The following SLC9C1 variants were observed in gnomAD, a reference collection of about 807,000 sequenced individuals.
SLC9C1 encodes solute carrier family 9 member C1.
A neutral mutation model predicts 140.9 loss-of-function variants in SLC9C1; 97 were observed. The ratio of observed to expected loss-of-function variants is 0.69; its 90% CI spans 0.58 to 0.82. The LOEUF is 0.82. Among genes scored for constraint, SLC9C1 ranks in the 40% least tolerant of loss-of-function variants. SLC9C1 has a pLI of 0.00. For missense variants in SLC9C1, 1,340 were observed against 1,389.3 expected (o/e 0.96, Z 0.56); for synonymous variants, 440 against 442.6 (o/e 0.99, Z 0.07).
chr3:112,210,863 A>G (rs184585765), intron 15 of SLC9C1, among the ~76,000 whole-genome samples: 1 of 152,124 alleles, frequency 6.6e-6, no homozygotes, highest in African/African-American at 2.4e-5. Context: ...ACAGGAAAAA[A>G]ACCCTTTATT....
chr3:112,282,518 C>G (rs1243616655), intron 2 of SLC9C1, among the ~76,000 whole-genome samples: 2 of 152,146 alleles, frequency 1.3e-5, no homozygotes, highest in Non-Finnish European at 2.9e-5. Context: ...CCTGTTCGTC[C>G]CTCTCATTAA....
intron 13 of SLC9C1, among the ~76,000 whole-genome samples, chr3:112,223,289 C>T (rs953583468): frequency 6.6e-6 from 1 of 152,008 alleles, no homozygotes; most frequent in African/African-American, 2.4e-5. Context: ...GTCTGAGCAA[C>T]ATAAAGAAAT....
intron 5 of SLC9C1, among the ~76,000 whole-genome samples, chr3:112,277,091 A>T (rs1420756160): frequency 1.3e-5 from 2 of 152,094 alleles, no homozygotes; most frequent in African/African-American, 2.4e-5. Flanking sequence ...AAAGTGATGA[A>T]AGGGGACAAT....
chr3:112,239,879 G>A lies in SLC9C1; in HGVS notation c.1407C>T (p.Asn469=), dbSNP rs1307063641. Residue 469 remains asparagine, a synonymous_variant, in exon 12 of 29, where the codon AAC becomes AAT. Transcript: ENST00000305815. ...CAAGTGTAATTGCTTTCTCAATCAT[G>A]TTCCAATCAGCATTAGCAAGATCTT... is the stretch of plus-strand genomic sequence containing the variant. The part of the protein sequence containing the change: ...FDKDLANADW[N]MIEKAITLEN... 1 of 1,613,612 alleles carries A rather than the reference G, an allele frequency of 6.2e-7. No individual in the cohort carries two copies. Among genetic ancestry groups the A allele is most frequent in the Non-Finnish European group, 8.5e-7 (1 of 1,179,868 alleles).
At chr3:112,179,237 A>G (rs1346646624) in intron 23 of SLC9C1, among the ~76,000 whole-genome samples, 2 of 152,104 alleles carry the variant, frequency 1.3e-5, no homozygotes, top group Admixed American at 1.3e-4. Context: ...CATCTTTCAA[A>G]TTATGGTATT....
rs1328868700 is a variant in SLC9C1, at chr3:112,179,671, C to A, written c.2779G>T (p.Asp927Tyr). 1 of 1,610,678 alleles carries A rather than the reference C, an allele frequency of 6.2e-7. No homozygotes were observed. ...LEKSKPGLGI[D>Y]QMVESKEKDF... is the part of the protein sequence containing the mutation. Reference sequence around the variant, plus strand: ...TTCTCCTTTGACTCCACCATTTGATCAATCCCTAAACCTGGCTTTGATTTT... The same window carrying A: ...TTCTCCTTTGACTCCACCATTTGATAAATCCCTAAACCTGGCTTTGATTTT... Residue 927 changes from aspartate to tyrosine, a missense_variant, in exon 23 of 29, where the codon GAT (aspartate) becomes TAT (tyrosine). By Grantham distance (160) the Asp-to-Tyr change is radical. Transcript: ENST00000305815.
At chr3:112,287,117 AC>A (rs1239804647) in intron 1 of SLC9C1, among the ~76,000 whole-genome samples, 1 of 152,158 alleles carries the variant, frequency 6.6e-6, no homozygotes, top group Non-Finnish European at 1.5e-5. Context: ...CGCACTTGTT[AC>A]CCACTCTGAA....
chr3:112,198,319 T>C (rs2077818001), intron 20 of SLC9C1, among the ~76,000 whole-genome samples: 1 of 152,018 alleles, frequency 6.6e-6, no homozygotes, highest in Non-Finnish European at 1.5e-5. Context: ...TTATTAATCC[T>C]ACTGCTTTTA....
intron 26 of SLC9C1, among the ~76,000 whole-genome samples, chr3:112,166,319 A>T (rs1380880722): frequency 6.6e-6 from 1 of 152,132 alleles, no homozygotes; most frequent in Non-Finnish European, 1.5e-5. Context: ...TGAACCCGGT[A>T]CCTCAGTTGG....
At position 112,292,823 on chromosome 3, in the gene SLC9C1, G is replaced by C. The variant is rs961077074; in HGVS notation, c.-88+1270C>G. 7.2e-5 allele frequency among the ~76,000 whole-genome samples: 11 copies of C among 151,924 alleles called. No individual in the cohort carries two copies. The East Asian group carries it at 1.6e-3, about 22-fold the overall frequency. On this transcript the variant is annotated intron_variant, in intron 1 of 28. Transcript: ENST00000305815. Reference sequence around the variant, plus strand: ...CTCCCAAAGTGCTGGGATTACAGGCGTGAGCCACCACGCCCGGCCACAGGT... The same window carrying C: ...CTCCCAAAGTGCTGGGATTACAGGCCTGAGCCACCACGCCCGGCCACAGGT...
chr3:112,266,437 C>T (rs573349358), intron 7 of SLC9C1, 97 bp from the exon 8 acceptor site: 3 of 942,708 alleles, frequency 3.2e-6, no homozygotes, highest in Non-Finnish European at 4.7e-6. Context: ...GTGACAGTAC[C>T]ATGACTTTTA....
chr3:112,164,330 T>A (rs188567586), intron 26 of SLC9C1, among the ~76,000 whole-genome samples: 1 of 146,876 alleles, frequency 6.8e-6, no homozygotes, highest in Admixed American at 6.7e-5. Context: ...GTTAGCTGGT[T>A]ATTTTGCTCG....
Position 112,182,213 on chromosome 3 carries a change from T to G in SLC9C1, c.2569A>C (p.Ile857Leu). ...KKEVLDSQSI[I>L]RPLTVEEVLY... ...ACTTCTTCAACAGTAAGAGGCCTGA[T>G]AATAGATTGAGAATCAAGCACCTCT... Residue 857 changes from isoleucine (I) to leucine (L), a missense_variant, in exon 21 of 29, where the codon ATC becomes CTC. Transcript: ENST00000305815. The G allele has an allele frequency of 1.2e-6, 2 of 1,607,366 alleles. No individual in the cohort carries two copies. The highest frequency in any genetic ancestry group is 1.7e-6 in the Non-Finnish European group (2 of 1,177,030).
At chr3:112,217,182 A>G (rs2078401843) in intron 15 of SLC9C1, among the ~76,000 whole-genome samples, 1 of 152,136 alleles carries the variant, frequency 6.6e-6, no homozygotes, top group African/African-American at 2.4e-5. Flanking sequence ...ATGGTGGGGA[A>G]CATCACACAC....
intron 10 of SLC9C1, among the ~76,000 whole-genome samples, chr3:112,248,429 A>G (rs968537618): frequency 6.6e-6 from 1 of 152,172 alleles, no homozygotes; most frequent in Non-Finnish European, 1.5e-5. Context: ...ATTTTTTTAC[A>G]TAGCCATAGA....
intron 23 of SLC9C1, among the ~76,000 whole-genome samples, chr3:112,171,855 T>C (rs935464064): frequency 1.4e-4 from 21 of 152,332 alleles, no homozygotes; most frequent in African/African-American, 5.1e-4. Context: ...GATTATTTGT[T>C]GAAAATATTG....
intron 26 of SLC9C1, among the ~76,000 whole-genome samples, chr3:112,162,480 AG>A (rs1159553387): frequency 6.6e-6 from 1 of 152,174 alleles, no homozygotes; most frequent in African/African-American, 2.4e-5. Context: ...TTTAGCATGA[AG>A]GGTTGTTGGA....
At chr3:112,217,715 G>T (rs2078423698) in intron 14 of SLC9C1, among the ~76,000 whole-genome samples, 154 bp from the exon 15 acceptor site, 1 of 152,132 alleles carries the variant, frequency 6.6e-6, no homozygotes, top group African/African-American at 2.4e-5. Context: ...ATTTTCATGG[G>T]CGTGGTTCAT....
chr3:112,287,624 A>G (rs954162615), intron 1 of SLC9C1, among the ~76,000 whole-genome samples: 6 of 152,240 alleles, frequency 3.9e-5, no homozygotes, highest in Non-Finnish European at 7.3e-5. Flanking sequence ...CCTGCTTCCC[A>G]TGGAAAGGAA....
Sources: gnomAD v4.1 joint callset for allele counts (sites outside exome capture counted in the v4.1 genomes callset) on GRCh38, gnomAD v4.1.1 for gene constraint, MANE v1.5 for transcripts, NCBI Gene and HGNC (gene_info 2026-07-23, HGNC 2026-07-21) for gene names.